The following DEF8 variants were observed in gnomAD, a reference collection of about 807,000 sequenced individuals.
The protein encoded by DEF8 is DEF-8.
Under a neutral mutation model 59.1 loss-of-function variants are expected in DEF8, and 38 were observed. The observed-to-expected ratio is 0.64, with a 90% CI of 0.50 to 0.84. DEF8 has a LOEUF of 0.84. DEF8 is among the 40% of genes least tolerant of loss of function. The pLI is 0.00. For synonymous variants in DEF8, 265 were observed against 250.1 expected (o/e 1.06, Z -0.56); for missense variants, 557 against 615.2 (o/e 0.91, Z 1.00).
At chr16:89,964,046 C>A in intron 10 of DEF8, 124 bp from the exon 11 acceptor site, 1 of 1,322,460 alleles carries the variant, frequency 7.6e-7, no homozygotes, top group Non-Finnish European at 1.1e-6. Context: ...ACTCCTGGGG[C>A]CCAGACCCTT....
In DEF8 at chr16:89,954,850, G is replaced by A. The variant is rs2032865340; in HGVS notation, c.125-319G>A. On this transcript the variant is annotated intron_variant, in intron 3 of 12. Transcript: ENST00000563594. This position sits in a 1 kb window ranked among gnomAD's most constrained non-coding sequence, Gnocchi z 4.3. ...GTAGCCATGCAGTGGTTTTTCTCTCGCCCCCGTGGTCACGCATGAGGTGTC... is the reference window on the plus strand; with the variant it reads ...GTAGCCATGCAGTGGTTTTTCTCTCACCCCCGTGGTCACGCATGAGGTGTC... 1.3e-5 allele frequency among the ~76,000 whole-genome samples: 2 copies of A among 151,954 alleles called. No homozygotes were observed. The highest frequency in any genetic ancestry group is 2.4e-5 in the African/African-American group (1 of 41,292).
At position 89,967,455 on chromosome 16, in the gene DEF8, T is replaced by G. The variant is rs769735023; in HGVS notation, c.*1492T>G. On this transcript the variant is annotated 3_prime_UTR_variant, in exon 13 of 13. Coordinates refer to ENST00000563594, the MANE Select transcript of DEF8 (RefSeq NM_001242818.2). The stretch of plus-strand genomic sequence containing the variant: ...TGGTGGCTTTAGGCAAGGTTCTTAT[T>G]GTCTGCTCTGCCTCGGTTTCCCCAT... 3.0e-5 allele frequency: 12 copies of G among 398,540 alleles called. No individual in the cohort carries two copies. Among genetic ancestry groups the G allele is most frequent in the Admixed American group, 8.8e-5 (2 of 22,712 alleles). 24.7% of individuals were successfully genotyped at this position (398,540 alleles called of 1,614,324 possible).
chr16:89,951,559 T>C (rs1322253172), intron 2 of DEF8, among the ~76,000 whole-genome samples: 1 of 152,098 alleles, frequency 6.6e-6, no homozygotes, highest in Non-Finnish European at 1.5e-5. Flanking sequence ...AGTCAGAATC[T>C]ACTTTGGCCG....
chr16:89,952,070 G>C (rs993466584), intron 2 of DEF8, among the ~76,000 whole-genome samples: 3 of 152,072 alleles, frequency 2.0e-5, no homozygotes, highest in African/African-American at 7.2e-5. Flanking sequence ...GTAGAGACAG[G>C]GTTTCAATGT....
At position 89,965,868 on chromosome 16, in the gene DEF8, T is replaced by C. The variant is rs1291139296; in HGVS notation, c.1261T>C (p.Tyr421His). ...DCSAVFHRDC[Y>H]YDNSTTCPKC... ...ACCTCTTTCTGCCCCCAGGGACTGC[T>C]ACTACGACAACTCCACCACTTGTCC... Residue 421 changes from tyrosine to histidine, a missense_variant, in exon 13 of 13, where the codon TAC becomes CAC. By Grantham distance (83) the Tyr-to-His change is moderately conservative (BLOSUM62 2). Coordinates refer to ENST00000563594, the MANE Select transcript of DEF8 (RefSeq NM_001242818.2). The C allele has an allele frequency of 6.2e-7, 1 of 1,612,910 alleles. No homozygotes were observed. The highest frequency in any genetic ancestry group is 1.7e-5 in the Admixed American group (1 of 59,962).
chr16:89,958,535 T>A, intron 5 of DEF8: 1 of 170,738 alleles, frequency 5.9e-6, no homozygotes, highest in Non-Finnish European at 1.3e-5. Flanking sequence ...AGGAAACAGG[T>A]AAATTGGTGG....
intron 12 of DEF8, among the ~76,000 whole-genome samples, chr16:89,965,597 C>A (rs931186940): frequency 6.6e-6 from 1 of 152,136 alleles, no homozygotes. Context: ...GGCGTGGCCA[C>A]CTGGCTCAGC....
In DEF8 at chr16:89,954,389, G is replaced by A. The variant is rs201336707; in HGVS notation, c.124+13G>A. On this transcript the variant is annotated intron_variant, in intron 3 of 12. Coordinates refer to ENST00000563594, the MANE Select transcript of DEF8 (RefSeq NM_001242818.2). This position sits in a 1 kb window ranked among gnomAD's most constrained non-coding sequence, Gnocchi z 4.3. ...GTCACTCCTGAAGGTGGGTGCTGGT[G>A]GGAGTCAGGGTGGGAGCTGGGCAGG... 4.2e-5 allele frequency: 67 copies of A among 1,612,482 alleles called. No individual in the cohort carries two copies. In the East Asian group the frequency reaches 1.4e-3, roughly 34 times the overall value.
intron 9 of DEF8, among the ~76,000 whole-genome samples, chr16:89,962,475 T>G (rs1022027634): frequency 6.6e-6 from 1 of 152,094 alleles, no homozygotes; most frequent in Non-Finnish European, 1.5e-5. Flanking sequence ...CTGACCAACA[T>G]GGTGAAACCC....
In DEF8 at chr16:89,962,136, G is replaced by A; in HGVS notation, c.921+11G>A. ...CTGGTGGAGATTCGCGTGAGGCTGGGGCCATGGAAGTGGGGGGCGGGGGCG... is the reference window on the plus strand; with the variant it reads ...CTGGTGGAGATTCGCGTGAGGCTGGAGCCATGGAAGTGGGGGGCGGGGGCG... On this transcript the variant is annotated intron_variant, in intron 9 of 12. Transcript: ENST00000563594. 1 of 1,611,106 alleles carries A rather than the reference G, an allele frequency of 6.2e-7. No individual in the cohort carries two copies.
rs2034690186 is a variant in DEF8, at chr16:89,967,848, C to T, written c.*1885C>T. 1.2e-5 allele frequency: 2 copies of T among 161,394 alleles called. No homozygotes were observed. The highest frequency in any genetic ancestry group is 4.8e-5 in the African/African-American group (2 of 41,816). The allele number at this position is 161,394 out of a possible 1,614,324, so 10.0% of individuals were successfully genotyped here. A position where few individuals can be genotyped will look rare whatever the true frequency, so the allele number is the denominator to read the frequency against. On this transcript the variant is annotated 3_prime_UTR_variant, in exon 13 of 13. Coordinates refer to ENST00000563594, the MANE Select transcript of DEF8 (RefSeq NM_001242818.2). ...ATTTTTACCTGCCACCCAGCATCTC[C>T]CCCACCTGCCCCTTCTGGGTGACAC...
At chr16:89,950,074 G>A (rs1230227406) in intron 2 of DEF8, 88 of 995,790 alleles carry the variant, frequency 8.8e-5, no homozygotes, top group Non-Finnish European at 1.0e-4. Context: ...CAGCCCGGAG[G>A]AGAGCTGGTA....
At chr16:89,950,445 G>A (rs2151120680) in intron 2 of DEF8, 1 of 661,308 alleles carries the variant, frequency 1.5e-6, no homozygotes, top group Non-Finnish European at 1.9e-6. Flanking sequence ...CTGGAGTGCA[G>A]TGGCACAATC....
At chr16:89,957,938 T>C (rs2033481196) in intron 5 of DEF8, 1 of 270,618 alleles carries the variant, frequency 3.7e-6, no homozygotes, top group East Asian at 7.1e-5. Flanking sequence ...GCTTGGTGAC[T>C]GGAAGATCCT....
intron 5 of DEF8, 117 bp from the exon 6 acceptor site, chr16:89,958,897 A>T: frequency 6.6e-7 from 1 of 1,520,186 alleles, no homozygotes; most frequent in East Asian, 2.3e-5. Context: ...TTGTGCTGAA[A>T]CTCACAATCT....
At chr16:89,957,469 G>A (rs2033394530) in intron 4 of DEF8, 42 bp from the exon 5 acceptor site, 1 of 1,546,454 alleles carries the variant, frequency 6.5e-7, no homozygotes, top group Non-Finnish European at 8.7e-7. Flanking sequence ...GGGAGCTCCT[G>A]CAGGATGGGC....
chr16:89,954,506 T>C lies in DEF8; in HGVS notation c.124+130T>C. The C allele has an allele frequency of 1.0e-6, 1 of 1,004,744 alleles. No individual in the cohort carries two copies. Among genetic ancestry groups the C allele is most frequent in the South Asian group, 1.6e-5 (1 of 61,858 alleles). 62.2% of individuals were successfully genotyped at this position (1,004,744 alleles called of 1,614,324 possible). A position where few individuals can be genotyped will look rare whatever the true frequency, so the allele number is the denominator to read the frequency against. ...CGGAGCCGGCACCTGCTGGCTGTGTTCTTTTTCCCATCTCTTCTGTGGTCG... is the reference window on the plus strand; with the variant it reads ...CGGAGCCGGCACCTGCTGGCTGTGTCCTTTTTCCCATCTCTTCTGTGGTCG... On this transcript the variant is annotated intron_variant, in intron 3 of 12. Coordinates refer to ENST00000563594, the MANE Select transcript of DEF8 (RefSeq NM_001242818.2). The surrounding 1 kb of genome is among the most constrained non-coding windows in gnomAD (Gnocchi z 4.3).
Position 89,965,709 on chromosome 16 carries a change from G to A in DEF8, c.1254-152G>A, listed in dbSNP as rs547640554. 8.8e-4 allele frequency: 497 copies of A among 564,388 alleles called. 2 individuals carry two copies. The highest frequency in any genetic ancestry group is 8.5e-3 in the African/African-American group (447 of 52,830). The allele number at this position is 564,388 out of a possible 1,614,324, so 35.0% of individuals were successfully genotyped here. A position where few individuals can be genotyped will look rare whatever the true frequency, so the allele number is the denominator to read the frequency against. ...GCACGCCCGTAAGCGCTCTGCACAC[G>A]GCCATACAGTCACTTGCATCTGGCT... On this transcript the variant is annotated intron_variant, in intron 12 of 12. Transcript: ENST00000563594.
intron 2 of DEF8, among the ~76,000 whole-genome samples, chr16:89,952,401 A>G (rs1480233809): frequency 6.6e-6 from 1 of 152,184 alleles, no homozygotes; most frequent in Non-Finnish European, 1.5e-5. Context: ...TGGAAGGGCT[A>G]AGCACTTGGG....
Sources: gnomAD v4.1 joint callset for allele counts (sites outside exome capture counted in the v4.1 genomes callset) on GRCh38, gnomAD v4.1.1 for gene constraint, Gnocchi (gnomAD v3.1) non-coding constraint, MANE v1.5 for transcripts, NCBI Gene and HGNC (gene_info 2026-07-23, HGNC 2026-07-21) for gene names.